HTR1F: variants seen among roughly 807,000 people sequenced by gnomAD.
HTR1F encodes the protein 5-hydroxytryptamine (serotonin) receptor 1F, G protein-coupled.
Under a neutral mutation model 24.0 loss-of-function variants are expected in HTR1F, and 17 were observed. The observed-to-expected ratio is 0.71, with a 90% CI of 0.48 to 1.06. The LOEUF (loss-of-function observed/expected upper bound fraction) is 1.06, where lower values mean the gene tolerates loss of function less well. Ranked by LOEUF, HTR1F falls within the 50% of genes least tolerant of loss-of-function variation. The pLI is 0.00. For synonymous variants in HTR1F, 186 were observed against 156.8 expected, an observed-to-expected ratio of 1.19 and a Z score of -1.39; for missense variants, 391 against 427.8, an observed-to-expected ratio of 0.91 and a Z score of 0.76.
intron 2 of HTR1F, among the ~76,000 whole-genome samples, chr3:87,872,914 A>G (rs180672951): frequency 6.6e-6 from 1 of 152,190 alleles, no homozygotes; most frequent in Admixed American, 6.6e-5. Flanking sequence ...AATTGGGAGG[A>G]AGGAATGCTT....
rs980386078 is a variant in HTR1F, at chr3:87,792,736, G to A, written c.-266G>A. On this transcript the variant is annotated 5_prime_UTR_variant, in exon 1 of 3. Coordinates refer to ENST00000319595, the MANE Select transcript of HTR1F (RefSeq NM_001322209.2). ...CAGCGTCGCGGCCCCGAAAGCTGGCGACAGGCGCTGCTGTCTTCCCGCCCC... is the reference window on the plus strand; with the variant it reads ...CAGCGTCGCGGCCCCGAAAGCTGGCAACAGGCGCTGCTGTCTTCCCGCCCC... Among the ~76,000 whole-genome samples, 7 of 152,208 alleles carry A rather than the reference G, an allele frequency of 4.6e-5. No individual in the cohort carries two copies. Among genetic ancestry groups the A allele is most frequent in the African/African-American group, 1.7e-4 (7 of 41,468 alleles).
intron 2 of HTR1F, among the ~76,000 whole-genome samples, chr3:87,869,133 A>C (rs1575966572): frequency 6.6e-6 from 1 of 152,066 alleles, no homozygotes; most frequent in East Asian, 1.9e-4. Context: ...AATAGTCTTA[A>C]ATTTTTCTGC....
At chr3:87,864,610 T>C (rs1472866032) in intron 2 of HTR1F, among the ~76,000 whole-genome samples, 3 of 151,882 alleles carry the variant, frequency 2.0e-5, no homozygotes, top group Admixed American at 2.0e-4. Flanking sequence ...AAAAGCAATA[T>C]ATCAGTCAGG....
chr3:87,907,932 G>T (rs189204514), intron 2 of HTR1F, among the ~76,000 whole-genome samples: 25 of 152,054 alleles, frequency 1.6e-4, no homozygotes, highest in African/African-American at 5.8e-4. Flanking sequence ...ATAAGTTTCT[G>T]TCTGGAAACA....
At chr3:87,933,424 G>A (rs1202293732) in intron 2 of HTR1F, among the ~76,000 whole-genome samples, 1 of 152,184 alleles carries the variant, frequency 6.6e-6, no homozygotes, top group African/African-American at 2.4e-5. Flanking sequence ...GTCCCTCTTT[G>A]CAGACGACAT....
chr3:87,825,120 T>C (rs1394720978), intron 2 of HTR1F, among the ~76,000 whole-genome samples: 1 of 152,204 alleles, frequency 6.6e-6, no homozygotes, highest in Non-Finnish European at 1.5e-5. Context: ...CTTTGTAATG[T>C]CTTATTTGCC....
chr3:87,804,464 A>G (rs1311192903), intron 1 of HTR1F, among the ~76,000 whole-genome samples: 7 of 152,152 alleles, frequency 4.6e-5, no homozygotes, highest in Non-Finnish European at 8.8e-5. Context: ...AAAATTGAGT[A>G]TAACTGAATA....
chr3:87,865,027 T>C (rs1705396369), intron 2 of HTR1F, among the ~76,000 whole-genome samples: 1 of 152,208 alleles, frequency 6.6e-6, no homozygotes, highest in South Asian at 2.1e-4. Flanking sequence ...GTCTACTGCC[T>C]TCAGGAAGTT....
intron 1 of HTR1F, among the ~76,000 whole-genome samples, chr3:87,818,822 C>T (rs756428136): frequency 6.6e-5 from 10 of 152,160 alleles, no homozygotes; most frequent in Non-Finnish European, 1.0e-4. Flanking sequence ...CCCTCATTTG[C>T]CTCATCCTAG....
intron 2 of HTR1F, among the ~76,000 whole-genome samples, chr3:87,840,015 C>G (rs1704766525): frequency 6.6e-6 from 1 of 152,074 alleles, no homozygotes; most frequent in Admixed American, 6.6e-5. Context: ...CACCGATGGA[C>G]AGATGGAAAC....
At chr3:87,850,305 G>A (rs1705054535) in intron 2 of HTR1F, among the ~76,000 whole-genome samples, 1 of 151,932 alleles carries the variant, frequency 6.6e-6, no homozygotes, top group Non-Finnish European at 1.5e-5. Flanking sequence ...CATGTCCTTT[G>A]TAGGGACATG....
At chr3:87,890,553 T>C (rs1706056909) in intron 2 of HTR1F, among the ~76,000 whole-genome samples, 1 of 151,734 alleles carries the variant, frequency 6.6e-6, no homozygotes, top group African/African-American at 2.4e-5. Context: ...TTTTTTTTTT[T>C]TTTTTGAGTA....
chr3:87,855,925 T>C (rs1575951327), intron 2 of HTR1F, among the ~76,000 whole-genome samples: 1 of 152,050 alleles, frequency 6.6e-6, no homozygotes, highest in Admixed American at 6.6e-5. Context: ...CACTTATTTT[T>C]CTTTATAATG....
rs57368229 is a variant in HTR1F, at chr3:87,794,982, CTTTTTTTTTTTTTTTT to C, written c.-160+2153_-160+2168del. Among the ~76,000 whole-genome samples, 581 of 90,480 alleles carry C rather than the reference CTTTTTTTTTTTTTTTT, an allele frequency of 6.4e-3. 4 individuals are homozygous for C. Among genetic ancestry groups the C allele is most frequent in the Non-Finnish European group, 7.7e-3 (357 of 46,394 alleles). 59.4% of individuals were successfully genotyped at this position (90,480 alleles called of 152,430 possible). A position where few individuals can be genotyped will look rare whatever the true frequency, so the allele number is the denominator to read the frequency against. On this transcript the variant is annotated intron_variant, in intron 1 of 2. Coordinates refer to ENST00000319595, the MANE Select transcript of HTR1F (RefSeq NM_001322209.2). ...CAAAGACTTTCAAAATTATGACTGA[CTTTTTTTTTTTTTTTT>C]TTTTTTTTTTTTGAGATGGAGTCTC...
chr3:87,924,226 T>G (rs1704074319), intron 2 of HTR1F, among the ~76,000 whole-genome samples: 1 of 152,084 alleles, frequency 6.6e-6, no homozygotes, highest in South Asian at 2.1e-4. Context: ...GATGGTAAAA[T>G]TGTATGTGTC....
chr3:87,871,321 A>T (rs1046089448), intron 2 of HTR1F, among the ~76,000 whole-genome samples: 1 of 152,004 alleles, frequency 6.6e-6, no homozygotes, highest in Non-Finnish European at 1.5e-5. Flanking sequence ...AAAGAAAAAA[A>T]ATCAGTGAAT....
At chr3:87,881,631 T>C (rs1436674326) in intron 2 of HTR1F, among the ~76,000 whole-genome samples, 1 of 152,166 alleles carries the variant, frequency 6.6e-6, no homozygotes, top group Admixed American at 6.6e-5. Flanking sequence ...ATTTAATAAA[T>C]GGTGCTGGGA....
chr3:87,796,268 C>G (rs538968068), intron 1 of HTR1F, among the ~76,000 whole-genome samples: 26 of 152,124 alleles, frequency 1.7e-4, no homozygotes, highest in African/African-American at 6.3e-4. Context: ...AATTGAGGCT[C>G]ATGTCTAGAT....
At chr3:87,847,354 C>T (rs995355588) in intron 2 of HTR1F, among the ~76,000 whole-genome samples, 11 of 151,752 alleles carry the variant, frequency 7.2e-5, no homozygotes, top group African/African-American at 2.7e-4. Context: ...TGAAGACTTA[C>T]ACCTCCAGGA....
Sources: gnomAD v4.1 joint callset for allele counts (sites outside exome capture counted in the v4.1 genomes callset) on GRCh38, gnomAD v4.1.1 for gene constraint, MANE v1.5 for transcripts, NCBI Gene and HGNC (gene_info 2026-07-23, HGNC 2026-07-21) for gene names.